XRCC5: variants seen among roughly 807,000 people sequenced by gnomAD.
The protein encoded by XRCC5 is X-ray repair cross complementing 5.
XRCC5 carries 12 observed loss-of-function variants against 95.7 expected under a neutral mutation model. That is an observed-to-expected ratio of 0.13 (90% CI 0.08 to 0.20). XRCC5 has a LOEUF of 0.20. Among genes scored for constraint, XRCC5 ranks in the 10% least tolerant of loss-of-function variants. The probability of loss-of-function intolerance (pLI) is 1.00; values close to 1 mark genes in which losing one functional copy is unlikely to be tolerated. For missense variants in XRCC5, 595 were observed against 873.9 expected (o/e 0.68, Z 4.02); for synonymous variants, 281 against 290.3 (o/e 0.97, Z 0.33).
chr2:216,148,530 C>G (rs1229264142), intron 14 of XRCC5, among the ~76,000 whole-genome samples: 1 of 152,266 alleles, frequency 6.6e-6, no homozygotes. Flanking sequence ...GCATCAGATT[C>G]TTGGTGAATT....
chr2:216,113,196 T>G (rs1696622259), intron 2 of XRCC5, 67 bp downstream of exon 2: 2 of 1,344,048 alleles, frequency 1.5e-6, no homozygotes, highest in South Asian at 2.5e-5. Flanking sequence ...TACCTACTAA[T>G]GCAAGATACC....
chr2:216,195,002 C>T lies in XRCC5; in HGVS notation c.2109+16C>T, dbSNP rs747975538. The T allele has an allele frequency of 1.2e-5, 20 of 1,612,992 alleles. No individual in the cohort carries two copies. Among genetic ancestry groups the T allele is most frequent in the Admixed American group, 1.7e-5 (1 of 59,984 alleles). ...AGCCAAAAAGGTATTGAGGGGTAAA[C>T]CTTTGTCTTTAGTTGAATTATTATA... On this transcript the variant is annotated intron_variant, in intron 19 of 20. Coordinates refer to ENST00000392132, the MANE Select transcript of XRCC5 (RefSeq NM_021141.4).
chr2:216,116,503 T>C (rs1175287920), intron 2 of XRCC5, 156 bp from the exon 3 acceptor site: 2 of 749,738 alleles, frequency 2.7e-6, no homozygotes, highest in Non-Finnish European at 4.5e-6. Context: ...AGAATTGTCA[T>C]TGTCTGTAAG....
At chr2:216,146,598 C>T (rs1246772054) in intron 13 of XRCC5, among the ~76,000 whole-genome samples, 1 of 152,174 alleles carries the variant, frequency 6.6e-6, no homozygotes, top group Non-Finnish European at 1.5e-5. Flanking sequence ...CATCAATAAA[C>T]TGATAGTTTC....
chr2:216,157,395 G>A (rs977294701), intron 14 of XRCC5, among the ~76,000 whole-genome samples: 5 of 151,774 alleles, frequency 3.3e-5, no homozygotes, highest in African/African-American at 7.3e-5. Context: ...CACCATGCCC[G>A]GCTAATGTTT....
intron 18 of XRCC5, 113 bp from the exon 19 acceptor site, chr2:216,194,804 CTA>C (rs1321867412): frequency 3.1e-6 from 3 of 980,104 alleles, no homozygotes; most frequent in Admixed American, 1.9e-5. Context: ...GACCCTGTCT[CTA>C]TTTAAAAAAA....
intron 14 of XRCC5, among the ~76,000 whole-genome samples, chr2:216,149,343 C>A (rs1688699801): frequency 6.6e-6 from 1 of 152,070 alleles, no homozygotes; most frequent in Admixed American, 6.6e-5. Flanking sequence ...ACTGCCCGCC[C>A]CCCATAAGAC....
chr2:216,198,660 G>T lies in XRCC5; in HGVS notation c.2109+3674G>T, dbSNP rs781172903. Among the ~76,000 whole-genome samples, 5 of 151,964 alleles carry T rather than the reference G, an allele frequency of 3.3e-5. No homozygotes were observed. In the South Asian group the frequency reaches 1.0e-3, roughly 32 times the overall value. ...AACCTCTGCCTCCCAGGTTCAAGCA[G>T]TTGTGCCTCAGCCTCCCGAGTAGCT... On this transcript the variant is annotated intron_variant, in intron 19 of 20. Coordinates refer to ENST00000392132, the MANE Select transcript of XRCC5 (RefSeq NM_021141.4).
intron 16 of XRCC5, among the ~76,000 whole-genome samples, chr2:216,187,817 ACACACTCTCT>A (rs1299260628): frequency 6.6e-3 from 388 of 58,998 alleles, no homozygotes; most frequent in Middle Eastern, 9.4e-3. Flanking sequence ...ACACACACAC[ACACACTCTCT>A]CTCTCTCTCT....
intron 3 of XRCC5, 200 bp downstream of exon 3, chr2:216,117,042 C>T (rs1402660319): frequency 3.3e-6 from 2 of 606,030 alleles, no homozygotes; most frequent in Non-Finnish European, 5.7e-6. Context: ...CAGCCCTCCA[C>T]TCACTTCCCT....
chr2:216,193,914 C>T (rs1270877154), intron 18 of XRCC5, among the ~76,000 whole-genome samples: 1 of 152,164 alleles, frequency 6.6e-6, no homozygotes, highest in Non-Finnish European at 1.5e-5. Context: ...AGATTTTCTA[C>T]CCTTGATTTG....
intron 19 of XRCC5, among the ~76,000 whole-genome samples, chr2:216,203,141 A>G (rs1689871793): frequency 1.3e-5 from 2 of 152,136 alleles, no homozygotes; most frequent in Non-Finnish European, 2.9e-5. Context: ...CTTGGGTGGA[A>G]GCAACTACAG....
At position 216,192,654 on chromosome 2, in the gene XRCC5, C is replaced by T. The variant is rs369861757; in HGVS notation, c.1960C>T (p.Arg654Cys). 50 of 1,589,720 alleles carry T rather than the reference C, an allele frequency of 3.1e-5. No homozygotes were observed. Among genetic ancestry groups the T allele is most frequent in the African/African-American group, 1.8e-4 (13 of 73,910 alleles). ...EEAIKFSEEQ[R>C]FNNFLKALQE... is the part of the protein sequence containing the mutation. Reference sequence around the variant, plus strand: ...GCTACCACAGTTTTCAGAAGAGCAGCGCTTTAACAACTTCCTGAAAGCCCT... The same window carrying T: ...GCTACCACAGTTTTCAGAAGAGCAGTGCTTTAACAACTTCCTGAAAGCCCT... The change falls in exon 18 of 21, where the codon CGC becomes TGC. Residue 654 changes from arginine to cysteine, a missense_variant. Around this residue, in one of 2 missense-constraint regions of XRCC5, gnomAD observed 309 missense variants for 382.9 expected, o/e 0.81. Transcript: ENST00000392132.
rs1395491133 is a variant in XRCC5, at chr2:216,141,328, A to G, written c.1476+9A>G. The G allele has an allele frequency of 6.2e-7, 1 of 1,613,968 alleles. No individual in the cohort carries two copies. Among genetic ancestry groups the G allele is most frequent in the Non-Finnish European group, 8.5e-7 (1 of 1,179,918 alleles). On this transcript the variant is annotated intron_variant, in intron 13 of 20. Coordinates refer to ENST00000392132, the MANE Select transcript of XRCC5 (RefSeq NM_021141.4). The stretch of plus-strand genomic sequence containing the variant: ...TTCAGAGATTATTTCAGGTAAGAGA[A>G]GAAGGATGAACAAGTCATATTTCTT...
intron 16 of XRCC5, among the ~76,000 whole-genome samples, chr2:216,170,538 A>T (rs1156980497): frequency 1.3e-5 from 2 of 152,122 alleles, no homozygotes; most frequent in Non-Finnish European, 2.9e-5. Flanking sequence ...TATCAAAAGA[A>T]CTCACTGTCA....
chr2:216,134,402 C>T (rs1697038121), intron 10 of XRCC5, among the ~76,000 whole-genome samples: 1 of 151,720 alleles, frequency 6.6e-6, no homozygotes, highest in African/African-American at 2.4e-5. Context: ...TCATTCACAG[C>T]CCCATCCTTC....
At position 216,148,124 on chromosome 2, in the gene XRCC5, C is replaced by T. The variant is rs1166268491; in HGVS notation, c.1518C>T (p.Pro506=). 3.7e-6 allele frequency: 6 copies of T among 1,613,808 alleles called. No homozygotes were observed. The highest frequency in any genetic ancestry group is 5.1e-6 in the Non-Finnish European group (6 of 1,179,930). Reference sequence around the variant, plus strand: ...CTTTACATCCCCGGGAGCCTCTACCCCCAATTCAGCAGCATATTTGGAATA... The same window carrying T: ...CTTTACATCCCCGGGAGCCTCTACCTCCAATTCAGCAGCATATTTGGAATA... The part of the protein sequence containing the change: ...HRALHPREPL[P]PIQQHIWNML... Residue 506 remains proline (P), a synonymous_variant, in exon 14 of 21, where the codon CCC becomes CCT. Coordinates refer to ENST00000392132, the MANE Select transcript of XRCC5 (RefSeq NM_021141.4).
chr2:216,171,341 GCTTGCTTCT>G (rs770417644), intron 16 of XRCC5, among the ~76,000 whole-genome samples: 49 of 152,222 alleles, frequency 3.2e-4, no homozygotes, highest in Admixed American at 1.6e-3. Context: ...AAAATGTCGT[GCTTGCTTCT>G]TTGGCCAGAA....
chr2:216,197,176 T>TG (rs891440390), intron 19 of XRCC5, among the ~76,000 whole-genome samples: 7 of 152,164 alleles, frequency 4.6e-5, no homozygotes, highest in Admixed American at 6.5e-5. Flanking sequence ...GCAAATAGGA[T>TG]GTCTTCTTTG....
Sources: gnomAD v4.1 joint callset for allele counts (sites outside exome capture counted in the v4.1 genomes callset) on GRCh38, gnomAD v4.1.1 for gene constraint, gnomAD v4.1.1 regional missense constraint, MANE v1.5 for transcripts, NCBI Gene and HGNC (gene_info 2026-07-23, HGNC 2026-07-21) for gene names.